PMS2: variants seen among roughly 807,000 people sequenced by gnomAD.
PMS2 encodes PMS1 homolog 2, mismatch repair system component.
PMS2 carries 69 observed loss-of-function variants against 90.0 expected under a neutral mutation model. That is an observed-to-expected ratio of 0.77 (90% confidence interval 0.63 to 0.94). The LOEUF is 0.94. PMS2 is among the 40% of genes least tolerant of loss of function. The pLI, the probability that PMS2 is intolerant of heterozygous loss-of-function variation, is 0.00. For synonymous variants in PMS2, 332 were observed against 375.1 expected (o/e 0.89, Z 1.33); for missense variants, 966 against 1,040.2 (o/e 0.93, Z 0.98).
At chr7:5,979,390 CAA>C (rs567154323) in intron 12 of PMS2, among the ~76,000 whole-genome samples, 16 of 114,334 alleles carry the variant, frequency 1.4e-4, no homozygotes, top group Admixed American at 2.8e-4. Flanking sequence ...GACTCTGTCT[CAA>C]AAAAAAAAAA....
At chr7:6,006,319 A>G (rs1233912156) in intron 1 of PMS2, among the ~76,000 whole-genome samples, 1 of 152,176 alleles carries the variant, frequency 6.6e-6, no homozygotes, top group African/African-American at 2.4e-5. Context: ...CTCTCAAATT[A>G]CCAAAATCTT....
In PMS2 at chr7:6,004,165, C is replaced by T. The variant is rs1368586199; in HGVS notation, c.164-107G>A. On this transcript the variant is annotated intron_variant, in intron 2 of 14. Coordinates refer to ENST00000265849, the MANE Select transcript of PMS2 (RefSeq NM_000535.7). ...TGCAAATTTAAGAGTCATAACTATA[C>T]CTTTAGTTAAACATACTAGTGTCAT... is the stretch of plus-strand genomic sequence containing the variant. 3.0e-5 allele frequency: 21 copies of T among 702,466 alleles called. No individual in the cohort carries two copies. Among genetic ancestry groups the T allele is most frequent in the Non-Finnish European group, 4.3e-5 (17 of 392,794 alleles). 43.5% of individuals were successfully genotyped at this position (702,466 alleles called of 1,614,324 possible). A position where few individuals can be genotyped will look rare whatever the true frequency, so the allele number is the denominator to read the frequency against.
Position 6,009,036 on chromosome 7 carries a change from C to A in PMS2, c.-17G>T, listed in dbSNP as rs1017353894. On this transcript the variant is annotated 5_prime_UTR_variant, in exon 1 of 15. Transcript: ENST00000265849. The stretch of plus-strand genomic sequence containing the variant: ...TCGCTCCATGGATGCAACACCCGAT[C>A]CGCCTCGGGGACTGGGAAAGTTCCC... 6.2e-7 allele frequency: 1 copy of A among 1,612,448 alleles called. No homozygotes were observed. The highest frequency in any genetic ancestry group is 8.5e-7 in the Non-Finnish European group (1 of 1,179,794).
At chr7:6,004,142 C>G (rs1217074551) in intron 2 of PMS2, 84 bp from the exon 3 acceptor site, 1 of 786,178 alleles carries the variant, frequency 1.3e-6, no homozygotes, top group Non-Finnish European at 2.2e-6. Flanking sequence ...ATAACATATG[C>G]AAATTTAAGA....
At chr7:5,988,148 A>G (rs1783272693) in intron 10 of PMS2, among the ~76,000 whole-genome samples, 1 of 152,052 alleles carries the variant, frequency 6.6e-6, no homozygotes, top group Admixed American at 6.6e-5. Context: ...AAATGCTCAC[A>G]AAGATCAGGA....
chr7:5,984,194 A>T (rs1782609610), intron 11 of PMS2, among the ~76,000 whole-genome samples: 1 of 151,912 alleles, frequency 6.6e-6, no homozygotes, highest in South Asian at 2.1e-4. Flanking sequence ...TCACACTCCC[A>T]CCAATGGTGT....
Position 6,003,681 on chromosome 7 carries a change from T to G in PMS2, c.353+9A>C, listed in dbSNP as rs139990791. 1.9e-4 allele frequency: 284 copies of G among 1,475,262 alleles called. No homozygotes were observed. In the African/African-American group the frequency reaches 3.6e-3, roughly 19 times the overall value. 91.4% of individuals were successfully genotyped at this position (1,475,262 alleles called of 1,614,324 possible). ...GGGGTCAAGTGAGTGGATAAAAATA[T>G]TGTATCACCTCAGTGCACAAAGTGA... On this transcript the variant is annotated intron_variant, in intron 4 of 14. Coordinates refer to ENST00000265849, the MANE Select transcript of PMS2 (RefSeq NM_000535.7).
At chr7:5,976,136 T>C (rs1781621916) in intron 14 of PMS2, among the ~76,000 whole-genome samples, 1 of 141,806 alleles carries the variant, frequency 7.1e-6, no homozygotes, top group Non-Finnish European at 1.6e-5. Flanking sequence ...CTTGGGAGGC[T>C]GAGGCAGGAG....
intron 3 of PMS2, 71 bp downstream of exon 3, chr7:6,003,901 A>G: frequency 7.9e-7 from 1 of 1,268,664 alleles, no homozygotes; most frequent in Non-Finnish European, 1.2e-6. Flanking sequence ...ATTTCCCAAG[A>G]CAGTGTTACT....
rs545820735 is a variant in PMS2 at position 6,004,417 on chromosome 7, C to A, written c.164-359G>T. On this transcript the variant is annotated intron_variant, in intron 2 of 14. Coordinates refer to ENST00000265849, the MANE Select transcript of PMS2 (RefSeq NM_000535.7). The stretch of plus-strand genomic sequence containing the variant: ...TTTGAAAGAAATAATTTTAACATAC[C>A]CAATAAAGAGAACGGGGACCGGGTG... 2.8e-5 allele frequency: 6 copies of A among 213,550 alleles called. No homozygotes were observed. In the South Asian group the frequency reaches 4.1e-4, roughly 15 times the overall value. The allele number at this position is 213,550 out of a possible 1,614,324, so 13.2% of individuals were successfully genotyped here. A position where few individuals can be genotyped will look rare whatever the true frequency, so the allele number is the denominator to read the frequency against.
intron 2 of PMS2, 49 bp from the exon 3 acceptor site, chr7:6,004,107 A>G (rs1785439372): frequency 1.0e-6 from 1 of 981,918 alleles, no homozygotes; most frequent in African/African-American, 1.6e-5. Context: ...GACCCATGCT[A>G]TCAGTTTTTA....
In PMS2 at chr7:6,007,505, T is replaced by C. The variant is rs183250541; in HGVS notation, c.24-1474A>G. 1.1e-3 allele frequency among the ~76,000 whole-genome samples: 162 copies of C among 152,290 alleles called. No individual in the cohort carries two copies. The highest frequency in any genetic ancestry group is 1.6e-3 in the Non-Finnish European group (110 of 68,022). On this transcript the variant is annotated intron_variant, in intron 1 of 14. Transcript: ENST00000265849. ...AAGCAGGTCTCTGTCTAAACCGCTC[T>C]CCTCTTCCTCCTCTGCCCAAACAAT...
chr7:6,000,233 G>C (rs1011039928), intron 5 of PMS2, among the ~76,000 whole-genome samples: 22 of 151,880 alleles, frequency 1.4e-4, no homozygotes, highest in African/African-American at 4.8e-4. Context: ...AATTAGCCGG[G>C]CATGGTAGCA....
chr7:5,985,046 G>T lies in PMS2; in HGVS notation c.2006+1713C>A, dbSNP rs372963421. 2.6e-5 allele frequency among the ~76,000 whole-genome samples: 4 copies of T among 151,358 alleles called. 1 individual carries two copies. The highest frequency in any genetic ancestry group is 7.4e-5 in the African/African-American group (3 of 40,794). On this transcript the variant is annotated intron_variant, in intron 11 of 14. Coordinates refer to ENST00000265849, the MANE Select transcript of PMS2 (RefSeq NM_000535.7). ...GGTCTGTTTCCTGGTACCAATTCCA[G>T]ATCAGGCAGAGTGCAATCAATCAAG...
At chr7:5,981,269 C>T (rs1004729061) in intron 12 of PMS2, among the ~76,000 whole-genome samples, 3 of 149,016 alleles carry the variant, frequency 2.0e-5, no homozygotes, top group South Asian at 2.1e-4. Flanking sequence ...GACAGAGTCT[C>T]ACTGTCTCAC....
At chr7:5,991,921 T>A (rs1198992892) in intron 9 of PMS2, 52 bp downstream of exon 9, 1 of 860,518 alleles carries the variant, frequency 1.2e-6, no homozygotes, top group Admixed American at 1.7e-5. Context: ...AATTTCATTT[T>A]ATTCTTTGAG....
At chr7:5,999,418 A>C (rs1318001422) in intron 5 of PMS2, 143 bp from the exon 6 acceptor site, 1 of 790,754 alleles carries the variant, frequency 1.3e-6, no homozygotes, top group Non-Finnish European at 2.2e-6. Flanking sequence ...ATCTGTAAAG[A>C]GGTGTCTTCC....
rs190463481 is a variant in PMS2, at chr7:5,979,181, G to A, written c.2175-485C>T. On this transcript the variant is annotated intron_variant, in intron 12 of 14. Coordinates refer to ENST00000265849, the MANE Select transcript of PMS2 (RefSeq NM_000535.7). ...CACGCCACTGTACTCCAGCCTGGGCGACACAACAAGACTCTGTCTCAAAAA... is the reference window on the plus strand; with the variant it reads ...CACGCCACTGTACTCCAGCCTGGGCAACACAACAAGACTCTGTCTCAAAAA... 1.5e-4 allele frequency among the ~76,000 whole-genome samples: 15 copies of A among 102,792 alleles called. No individual in the cohort carries two copies. The East Asian group carries it at 2.1e-3, about 14-fold the overall frequency. 67.4% of individuals were successfully genotyped at this position (102,792 alleles called of 152,430 possible).
At position 5,997,891 on chromosome 7, in the gene PMS2, C is replaced by T. The variant is rs376500086; in HGVS notation, c.706-468G>A. On this transcript the variant is annotated intron_variant, in intron 6 of 14. Coordinates refer to ENST00000265849, the MANE Select transcript of PMS2 (RefSeq NM_000535.7). ...TTACATGTGTGAGCCGTGGGAACAA[C>T]AATTTTGATTTTATGATATAAGAAA... Among the ~76,000 whole-genome samples, 14 of 151,926 alleles carry T rather than the reference C, an allele frequency of 9.2e-5. No individual in the cohort carries two copies. The East Asian group carries it at 9.7e-4, about 11-fold the overall frequency.
Sources: gnomAD v4.1 joint callset for allele counts (sites outside exome capture counted in the v4.1 genomes callset) on GRCh38, gnomAD v4.1.1 for gene constraint, MANE v1.5 for transcripts, NCBI Gene and HGNC (gene_info 2026-07-23, HGNC 2026-07-21) for gene names.